Variants in TMPRSS15 observed in about 807,000 individuals in gnomAD.
The protein encoded by TMPRSS15 is enteropeptidase.
In TMPRSS15, 128 loss-of-function variants were observed where a neutral mutation model predicts 125.3. The ratio of observed to expected loss-of-function variants is 1.02; its 90% CI spans 0.89 to 1.18. The LOEUF is 1.18. TMPRSS15 is among the 50% of genes most tolerant of loss of function. The pLI, the probability that TMPRSS15 is intolerant of heterozygous loss-of-function variation, is 0.00. For missense variants in TMPRSS15, 1,283 were observed against 1,212.7 expected, an observed-to-expected ratio of 1.06 and a Z score of -0.86; for synonymous variants, 446 against 423.2, an observed-to-expected ratio of 1.05 and a Z score of -0.66.
intron 5 of TMPRSS15, among the ~76,000 whole-genome samples, chr21:18,375,758 C>T (rs553521421): frequency 3.9e-5 from 6 of 152,230 alleles, no homozygotes; most frequent in South Asian, 4.2e-4. Flanking sequence ...ATGAAGAATT[C>T]GGTATACACT....
At chr21:18,388,268 G>A (rs2075962565) in intron 3 of TMPRSS15, among the ~76,000 whole-genome samples, 2 of 152,258 alleles carry the variant, frequency 1.3e-5, no homozygotes, top group African/African-American at 4.8e-5. Context: ...TCTGGGCACG[G>A]TACTGGCCTC....
At chr21:18,396,101 C>T (rs2076032115) in intron 3 of TMPRSS15, among the ~76,000 whole-genome samples, 1 of 152,196 alleles carries the variant, frequency 6.6e-6, no homozygotes, top group Non-Finnish European at 1.5e-5. Flanking sequence ...GTCTAGCTTA[C>T]TTAGATGTTT....
intron 21 of TMPRSS15, among the ~76,000 whole-genome samples, chr21:18,282,842 G>A (rs193105827): frequency 6.6e-5 from 10 of 152,326 alleles, no homozygotes; most frequent in African/African-American, 2.4e-4. Context: ...AGTGACTGGG[G>A]TGCCTCATAC....
intron 13 of TMPRSS15, among the ~76,000 whole-genome samples, chr21:18,339,474 G>C (rs914169092): frequency 6.6e-6 from 1 of 152,072 alleles, no homozygotes; most frequent in African/African-American, 2.4e-5. Context: ...ATATAGTTTT[G>C]GAAGTAAACC....
chr21:18,364,084 C>T (rs192313465), intron 7 of TMPRSS15, among the ~76,000 whole-genome samples: 7 of 152,128 alleles, frequency 4.6e-5, no homozygotes. Context: ...AGTTATTGGG[C>T]CATTTCATAC....
intron 1 of TMPRSS15, among the ~76,000 whole-genome samples, chr21:18,428,814 GT>G (rs1472785614): frequency 6.6e-6 from 1 of 152,226 alleles, no homozygotes; most frequent in Non-Finnish European, 1.5e-5. Context: ...GAAGGAAAAT[GT>G]GGGGTTGGAG....
Position 18,383,583 on chromosome 21 carries a change from C to A in TMPRSS15, c.496+44G>T, listed in dbSNP as rs1323927687. On this transcript the variant is annotated intron_variant, in intron 4 of 24. Transcript: ENST00000284885. ...TGGTATATTGCTAGAATTTTAATTT[C>A]ATAGCTTAATGATTCAAAGAAATCA... 3 of 1,604,830 alleles carry A rather than the reference C, an allele frequency of 1.9e-6. No homozygotes were observed. In the African/African-American group the frequency reaches 4.0e-5, roughly 21 times the overall value.
chr21:18,447,526 T>A (rs1233615970), intron 1 of TMPRSS15, among the ~76,000 whole-genome samples: 1 of 151,756 alleles, frequency 6.6e-6, no homozygotes, highest in Non-Finnish European at 1.5e-5. Context: ...TTTGGCTGTG[T>A]CCCCACCCAA....
intron 21 of TMPRSS15, among the ~76,000 whole-genome samples, chr21:18,292,651 A>C (rs2074852544): frequency 6.6e-6 from 1 of 152,226 alleles, no homozygotes; most frequent in Non-Finnish European, 1.5e-5. Flanking sequence ...GCCAAATTCA[A>C]GGTTGATATA....
intron 18 of TMPRSS15, among the ~76,000 whole-genome samples, chr21:18,309,190 A>T (rs2075068357): frequency 6.6e-6 from 1 of 152,158 alleles, no homozygotes; most frequent in Non-Finnish European, 1.5e-5. Flanking sequence ...ATGTTGGGAA[A>T]ACTGGCTAGC....
At chr21:18,409,819 T>A (rs965806837) in intron 1 of TMPRSS15, among the ~76,000 whole-genome samples, 1 of 43,786 alleles carries the variant, frequency 2.3e-5, no homozygotes, top group East Asian at 7.0e-4. Flanking sequence ...TCTCCCCCCC[T>A]TCCCCCCTTC....
At position 18,330,585 on chromosome 21, in the gene TMPRSS15, A is replaced by G. The variant is rs76135675; in HGVS notation, c.1655-1291T>C. ...TTTTGGACATTTTGTGCCTGACAAC[A>G]TATCTGAGTCACCATCTATACTGTG... On this transcript the variant is annotated intron_variant, in intron 14 of 24. Coordinates refer to ENST00000284885, the MANE Select transcript of TMPRSS15 (RefSeq NM_002772.3). Among the ~76,000 whole-genome samples the G allele has an allele frequency of 4.5e-3, 680 of 152,306 alleles. 5 individuals are homozygous for G. Among genetic ancestry groups the G allele is most frequent in the African/African-American group, 0.016 (655 of 41,570 alleles).
Position 18,398,340 on chromosome 21 carries a change from T to C in TMPRSS15, c.146-11A>G. 6.2e-6 allele frequency: 10 copies of C among 1,613,050 alleles called. No individual in the cohort carries two copies. Among genetic ancestry groups the C allele is most frequent in the Non-Finnish European group, 8.5e-6 (10 of 1,179,466 alleles). ...GTCCAAGTGCTGCACCTAGATAAATTAATAAGGAAAAAACACTAAGATTTT... is the reference window on the plus strand; with the variant it reads ...GTCCAAGTGCTGCACCTAGATAAATCAATAAGGAAAAAACACTAAGATTTT... On this transcript the variant is annotated splice_polypyrimidine_tract_variant and intron_variant, in intron 1 of 24. Transcript: ENST00000284885.
intron 13 of TMPRSS15, 65 bp downstream of exon 13, chr21:18,341,348 G>A: frequency 6.3e-7 from 1 of 1,597,904 alleles, no homozygotes; most frequent in Non-Finnish European, 8.6e-7. Flanking sequence ...TGGAATTATA[G>A]CTGTGAGCCT....
intron 10 of TMPRSS15, among the ~76,000 whole-genome samples, chr21:18,350,691 A>G (rs9305864): frequency 2.0e-5 from 3 of 151,830 alleles, no homozygotes; most frequent in African/African-American, 7.2e-5. Context: ...TCCTCTTACA[A>G]AGCTTCATAT....
At chr21:18,348,195 T>G (rs1704756329) in intron 10 of TMPRSS15, among the ~76,000 whole-genome samples, 1 of 151,456 alleles carries the variant, frequency 6.6e-6, no homozygotes, top group Non-Finnish European at 1.5e-5. Context: ...AACAAATAAA[T>G]AAGCCCCAGA....
At chr21:18,451,488 C>T (rs939133387) in intron 1 of TMPRSS15, among the ~76,000 whole-genome samples, 2 of 151,984 alleles carry the variant, frequency 1.3e-5, no homozygotes, top group African/African-American at 4.8e-5. Flanking sequence ...AAATAAAAGC[C>T]AATTTACTTC....
At chr21:18,447,263 G>A (rs1295925564) in intron 1 of TMPRSS15, among the ~76,000 whole-genome samples, 1 of 151,586 alleles carries the variant, frequency 6.6e-6, no homozygotes, top group East Asian at 1.9e-4. Flanking sequence ...GGCCAATATG[G>A]TGAAACCCCA....
intron 1 of TMPRSS15, among the ~76,000 whole-genome samples, chr21:18,472,831 T>C (rs572712753): frequency 6.6e-6 from 1 of 152,226 alleles, no homozygotes; most frequent in African/African-American, 2.4e-5. Flanking sequence ...AGTATAATTA[T>C]TTAATGTATC....
Sources: allele counts gnomAD v4.1 joint callset (sites outside exome capture counted in the v4.1 genomes callset), GRCh38; gene constraint gnomAD v4.1.1; transcripts MANE v1.5; gene names NCBI Gene and HGNC (gene_info 2026-07-23, HGNC 2026-07-21).